Variants in NEBL observed in about 807,000 individuals in gnomAD.
The protein encoded by NEBL is LIM and SH3 protein 2.
In NEBL, 122 loss-of-function variants were observed where a neutral mutation model predicts 140.2. The ratio of observed to expected loss-of-function variants is 0.87; its 90% CI spans 0.75 to 1.01. NEBL has a LOEUF of 1.01. NEBL is among the 50% of genes least tolerant of loss of function. The probability of loss-of-function intolerance (pLI) is 0.00; values close to 1 mark genes in which losing one functional copy is unlikely to be tolerated. For synonymous variants in NEBL, 436 were observed against 398.9 expected (o/e 1.09, Z -1.11); for missense variants, 1,365 against 1,231.3 (o/e 1.11, Z -1.62).
chr10:20,867,839 C>G (rs1455978265), intron 7 of NEBL: 1 of 151,978 alleles, frequency 6.6e-6, no homozygotes, highest in Non-Finnish European at 1.5e-5. Flanking sequence ...CTTATACATA[C>G]TGGAATCTAT....
At position 20,858,258 on chromosome 10, in the gene NEBL, G is replaced by C. The variant is rs1843294734; in HGVS notation, c.885C>G (p.Ala295=). The part of the protein sequence containing the change: ...NLLFLDHVLK[A]SKMLSGREYK... ...CACTTACGCCGCTGAGCATTTTGCT[G>C]GCTTTCAAAACATGGTCTAAAAACA... The change falls in exon 9 of 28, where the codon GCC becomes GCG. Residue 295 remains alanine (A), a synonymous_variant. Coordinates refer to ENST00000377122, the MANE Select transcript of NEBL (RefSeq NM_006393.3). The C allele has an allele frequency of 6.2e-7, 1 of 1,607,376 alleles. No homozygotes were observed. Among genetic ancestry groups the C allele is most frequent in the Non-Finnish European group, 8.5e-7 (1 of 1,174,014 alleles).
chr10:21,168,195 C>G (rs1364562569), intron 2 of NEBL, among the ~76,000 whole-genome samples: 2 of 152,180 alleles, frequency 1.3e-5, no homozygotes, highest in East Asian at 3.8e-4. Flanking sequence ...ACTGAAGAAG[C>G]ACTCACTACT....
At chr10:20,828,363 T>C (rs1023806970) in intron 17 of NEBL, among the ~76,000 whole-genome samples, 167 bp downstream of exon 17, 1 of 152,064 alleles carries the variant, frequency 6.6e-6, no homozygotes, top group Non-Finnish European at 1.5e-5. Context: ...AAAATGATAA[T>C]TTGTAAAAAT....
In NEBL at chr10:20,840,776, A is replaced by G. The variant is rs1440499471; in HGVS notation, c.1301T>C (p.Ile434Thr). ...TTCAGAGGCTCGCTTTGCTCTTTGG[A>G]TATCAAGAACTTCTGAATTAAGTTC... ...GMELNSEVLDIQRAKRASEMA... is the reference protein window; with the variant it reads ...GMELNSEVLDTQRAKRASEMA... The change falls in exon 13 of 28, where the codon ATC (isoleucine) becomes ACC (threonine). Residue 434 changes from isoleucine to threonine, a missense_variant. Physicochemically the swap from Ile to Thr is moderately conservative, Grantham distance 89. Around this residue, in one of 2 missense-constraint regions of NEBL, gnomAD observed 1,323 missense variants for 1,154.8 expected, o/e 1.15. Coordinates refer to ENST00000377122, the MANE Select transcript of NEBL (RefSeq NM_006393.3). The G allele has an allele frequency of 1.2e-6, 2 of 1,612,000 alleles. No homozygotes were observed. Among genetic ancestry groups the G allele is most frequent in the Non-Finnish European group, 1.7e-6 (2 of 1,178,596 alleles).
At chr10:21,167,358 G>A (rs1840821631) in intron 2 of NEBL, among the ~76,000 whole-genome samples, 1 of 152,216 alleles carries the variant, frequency 6.6e-6, no homozygotes, top group South Asian at 2.1e-4. Context: ...ATTTGACTAA[G>A]ATACAAGGTA....
intron 2 of NEBL, among the ~76,000 whole-genome samples, chr10:21,050,159 G>C (rs1273651877): frequency 1.3e-5 from 2 of 152,092 alleles, no homozygotes; most frequent in Non-Finnish European, 2.9e-5. Context: ...ATCTATCTTT[G>C]GTTTCACCAG....
chr10:21,189,523 G>C (rs1357559675), intron 3 of NEBL, among the ~76,000 whole-genome samples: 1 of 152,064 alleles, frequency 6.6e-6, no homozygotes, highest in African/African-American at 2.4e-5. Context: ...GGAGTGCAGG[G>C]GCACGATCTC....
chr10:20,918,197 A>G lies in NEBL; in HGVS notation c.357+43475T>C, dbSNP rs139969365. 4.9e-4 allele frequency among the ~76,000 whole-genome samples: 75 copies of G among 152,228 alleles called. No individual in the cohort carries two copies. In the East Asian group the frequency reaches 0.014, roughly 28 times the overall value. ...AACATGCTGAAACCCTGTCGCTACT[A>G]AAATACAAAAATTAGCTGGACATGG... On this transcript the variant is annotated intron_variant, in intron 4 of 6. Transcript: ENST00000417816.
At chr10:20,789,919 A>ATG (rs1321882498) in intron 26 of NEBL, among the ~76,000 whole-genome samples, 1 of 149,728 alleles carries the variant, frequency 6.7e-6, no homozygotes, top group South Asian at 2.1e-4. Flanking sequence ...GTATATATAT[A>ATG]TGTGTGTGTA....
At chr10:21,281,244 A>G (rs1484409757) in intron 1 of NEBL, among the ~76,000 whole-genome samples, 1 of 152,162 alleles carries the variant, frequency 6.6e-6, no homozygotes, top group Admixed American at 6.5e-5. Context: ...GACTCTAATT[A>G]GTGTAAATAT....
At chr10:21,176,200 G>T (rs762489523), upstream of NEBL, among the ~76,000 whole-genome samples, 1 of 151,884 alleles carries the variant, frequency 6.6e-6, no homozygotes, top group Non-Finnish European at 1.5e-5. Flanking sequence ...ATGGGATCTT[G>T]CGGTGTTGCC....
Position 20,787,270 on chromosome 10 carries a change from G to C in NEBL, c.2800C>G (p.Gln934Glu). 1.2e-6 allele frequency: 2 copies of C among 1,613,500 alleles called. No homozygotes were observed. The highest frequency in any genetic ancestry group is 1.7e-6 in the Non-Finnish European group (2 of 1,179,698). ...LPGAYQQSHS[Q>E]GYGYMHQTSV... ...GTCTGGTGCATGTAGCCATAGCCTT[G>C]GGAATGGCTTTGCTGATAGGCTCCG... Residue 934 changes from glutamine to glutamate, a missense_variant, in exon 27 of 28, where the codon CAA becomes GAA. This residue lies in a region of NEBL where 1,323 missense variants were observed against 1,154.8 expected (regional missense o/e 1.15). Transcript: ENST00000377122.
intron 1 of NEBL, among the ~76,000 whole-genome samples, chr10:21,280,481 G>C (rs191037673): frequency 6.6e-6 from 1 of 152,170 alleles, no homozygotes; most frequent in Non-Finnish European, 1.5e-5. Flanking sequence ...AGATAGGAAG[G>C]TGGGAGGTTG....
intron 3 of NEBL, among the ~76,000 whole-genome samples, chr10:21,217,313 G>A (rs929339094): frequency 2.0e-5 from 3 of 152,176 alleles, no homozygotes; most frequent in African/African-American, 7.2e-5. Flanking sequence ...AAACAATCAT[G>A]AGCCCAAGTC....
At chr10:21,137,745 C>A (rs777866617) in intron 2 of NEBL, among the ~76,000 whole-genome samples, 2 of 151,742 alleles carry the variant, frequency 1.3e-5, no homozygotes, top group Non-Finnish European at 2.9e-5. Context: ...CCAGCCTGGG[C>A]AACATAGTGA....
chr10:20,867,801 A>G (rs2131219178), intron 7 of NEBL: 1 of 152,198 alleles, frequency 6.6e-6, no homozygotes, highest in African/African-American at 2.4e-5. Context: ...CACTGACTTG[A>G]ATCGACACTT....
intron 3 of NEBL, among the ~76,000 whole-genome samples, chr10:21,221,880 T>G (rs1289241978): frequency 6.6e-6 from 1 of 151,952 alleles, no homozygotes; most frequent in Non-Finnish European, 1.5e-5. Context: ...TTCATCTTTG[T>G]ATTGTTCCTT....
At chr10:20,872,118 GC>G (rs545934109) in intron 5 of NEBL, among the ~76,000 whole-genome samples, 124 of 152,256 alleles carry the variant, frequency 8.1e-4, no homozygotes, top group African/African-American at 2.8e-3. Flanking sequence ...AGAAATCTAA[GC>G]TTTACATGGG....
intron 11 of NEBL, among the ~76,000 whole-genome samples, chr10:20,848,042 A>G (rs879864864): frequency 1.3e-5 from 2 of 152,200 alleles, no homozygotes; most frequent in Non-Finnish European, 2.9e-5. Context: ...AGACCCACTA[A>G]GCAAAAGCAC....
Sources: gnomAD v4.1 joint callset for allele counts (sites outside exome capture counted in the v4.1 genomes callset) on GRCh38, gnomAD v4.1.1 for gene constraint, gnomAD v4.1.1 regional missense constraint, MANE v1.5 for transcripts, NCBI Gene and HGNC (gene_info 2026-07-23, HGNC 2026-07-21) for gene names.